MGAT4A: variants seen among roughly 807,000 people sequenced by gnomAD.
MGAT4A encodes alpha-1,3-mannosyl-glycoprotein 4-beta-N-acetylglucosaminyltransferase A.
Under a neutral mutation model 74.1 loss-of-function variants are expected in MGAT4A, and 33 were observed. The observed-to-expected ratio is 0.45, with a 90% CI of 0.34 to 0.60. The LOEUF (loss-of-function observed/expected upper bound fraction) is 0.60. MGAT4A is among the 20% of genes least tolerant of loss of function. The probability of loss-of-function intolerance (pLI) is 0.02; values close to 1 mark genes in which losing one functional copy is unlikely to be tolerated. For synonymous variants in MGAT4A, 198 were observed against 210.4 expected, an observed-to-expected ratio of 0.94 and a Z score of 0.51; for missense variants, 479 against 628.3, an observed-to-expected ratio of 0.76 and a Z score of 2.54.
At position 98,632,388 on chromosome 2, in the gene MGAT4A, T is replaced by C. The variant is rs372293186; in HGVS notation, c.1468+2834A>G. 5.3e-4 allele frequency among the ~76,000 whole-genome samples: 81 copies of C among 152,294 alleles called. 1 individual carries two copies. The highest frequency in any genetic ancestry group is 1.9e-3 in the African/African-American group (77 of 41,562). The stretch of plus-strand genomic sequence containing the variant: ...CCTGAAAGGTGGGTAAGGGAACTTT[T>C]CCCGTCTCAACAGCAGCTTGTTTGC... On this transcript the variant is annotated intron_variant, in intron 14 of 15. Transcript: ENST00000393487.
chr2:98,656,295 C>T (rs1011808910), intron 7 of MGAT4A, 57 bp downstream of exon 7: 55 of 1,162,052 alleles, frequency 4.7e-5, no homozygotes, highest in Middle Eastern at 3.8e-4. Flanking sequence ...ATAAAAACTA[C>T]ATGTATTAAA....
At chr2:98,729,865 T>C (rs149209172) in intron 1 of MGAT4A, among the ~76,000 whole-genome samples, 1 of 152,338 alleles carries the variant, frequency 6.6e-6, no homozygotes, top group African/African-American at 2.4e-5. Flanking sequence ...TAAGCCTATA[T>C]AACTTTACAC....
intron 2 of MGAT4A, among the ~76,000 whole-genome samples, chr2:98,687,997 C>A (rs192299172): frequency 6.6e-6 from 1 of 152,292 alleles, no homozygotes; most frequent in African/African-American, 2.4e-5. Context: ...CAGCCTCCTC[C>A]ACCCTTGTCT....
intron 2 of MGAT4A, among the ~76,000 whole-genome samples, chr2:98,705,948 C>CAAA (rs35710005): frequency 0.02 from 961 of 47,326 alleles, 47 homozygotes; most frequent in African/African-American, 0.078. Context: ...GACTCCGTCT[C>CAAA]AAAAAAAAAA....
chr2:98,719,006 G>C (rs1372603895), intron 2 of MGAT4A, among the ~76,000 whole-genome samples: 1 of 152,156 alleles, frequency 6.6e-6, no homozygotes, highest in Admixed American at 6.5e-5. Flanking sequence ...AACAGTTCCT[G>C]ATCTCTTCCC....
At chr2:98,634,826 G>A (rs1438853703) in intron 14 of MGAT4A, among the ~76,000 whole-genome samples, 1 of 151,468 alleles carries the variant, frequency 6.6e-6, no homozygotes, top group African/African-American at 2.4e-5. Flanking sequence ...GTGGCTGCCA[G>A]GTATAAGGCT....
At chr2:98,689,168 T>C (rs918173506) in intron 2 of MGAT4A, among the ~76,000 whole-genome samples, 8 of 152,220 alleles carry the variant, frequency 5.3e-5, no homozygotes, top group African/African-American at 1.9e-4. Context: ...CAGGATAGCA[T>C]AAAAGAAGTT....
rs190915925 is a variant in MGAT4A, at chr2:98,714,151, G to A, written c.94+12088C>T. ...CACCCAGGCTGGAGTGCAGTGGCGC[G>A]ATCTCACCTCACTGCCACCTTCGCC... On this transcript the variant is annotated intron_variant, in intron 2 of 15. Coordinates refer to ENST00000393487, the MANE Select transcript of MGAT4A (RefSeq NM_012214.3). Among the ~76,000 whole-genome samples the A allele has an allele frequency of 6.5e-3, 988 of 152,192 alleles. 3 individuals are homozygous for A. The highest frequency in any genetic ancestry group is 0.022 in the African/African-American group (932 of 41,502).
At chr2:98,675,947 A>C (rs1701972339) in intron 3 of MGAT4A, among the ~76,000 whole-genome samples, 1 of 152,216 alleles carries the variant, frequency 6.6e-6, no homozygotes, top group African/African-American at 2.4e-5. Context: ...AAACAGCACA[A>C]GTTGAGAATA....
Position 98,660,416 on chromosome 2 carries a change from G to A in MGAT4A, c.538-2152C>T, listed in dbSNP as rs868391267. ...ACCACACACACACACACACACGCAC[G>A]CGCACACACACACACACACACACAC... On this transcript the variant is annotated intron_variant, in intron 5 of 15. Coordinates refer to ENST00000393487, the MANE Select transcript of MGAT4A (RefSeq NM_012214.3). 1.8e-3 allele frequency among the ~76,000 whole-genome samples: 153 copies of A among 84,934 alleles called. 2 individuals carry two copies. The Middle Eastern group carries it at 0.02, about 11-fold the overall frequency. The allele number at this position is 84,934 out of a possible 152,430, so 55.7% of individuals were successfully genotyped here.
chr2:98,680,796 A>G lies in MGAT4A; in HGVS notation c.95-2325T>C, dbSNP rs6743020. Among the ~76,000 whole-genome samples the G allele has an allele frequency of 3.4e-3, 519 of 152,332 alleles. 2 individuals carry two copies. Among genetic ancestry groups the G allele is most frequent in the African/African-American group, 0.012 (499 of 41,556 alleles). ...ATTCCTAAACACAAAACTATAAACA[A>G]TTCTATTAAACAATTATAAGAAGAG... On this transcript the variant is annotated intron_variant, in intron 2 of 15. Transcript: ENST00000393487.
rs764403871 is a variant in MGAT4A, at chr2:98,655,542, AG to A, written c.699-23del. Reference sequence around the variant, plus strand: ...CCATCTGAAATAAACATTTTCAAAAAGTAAGTTAGGAATCAGACTCAAATTT... The same window carrying A: ...CCATCTGAAATAAACATTTTCAAAAATAAGTTAGGAATCAGACTCAAATTT... On this transcript the variant is annotated intron_variant, in intron 7 of 15. Coordinates refer to ENST00000393487, the MANE Select transcript of MGAT4A (RefSeq NM_012214.3). The A allele has an allele frequency of 1.6e-4, 250 of 1,540,162 alleles. No homozygotes were observed. In the East Asian group the frequency reaches 5.6e-3, roughly 34 times the overall value.
At position 98,621,869 on chromosome 2, in the gene MGAT4A, T is replaced by G; in HGVS notation, c.*3697A>C. The G allele has an allele frequency of 4.0e-6, 4 of 1,006,690 alleles. No homozygotes were observed. Among genetic ancestry groups the G allele is most frequent in the Non-Finnish European group, 4.7e-6 (4 of 843,600 alleles). 62.4% of individuals were successfully genotyped at this position (1,006,690 alleles called of 1,614,324 possible). On this transcript the variant is annotated 3_prime_UTR_variant, in exon 16 of 16. Transcript: ENST00000393487. ...ACAACACCTTCTAATTATTGACTAGTGCAACCACTGATTTGAGAAGATACA... is the reference window on the plus strand; with the variant it reads ...ACAACACCTTCTAATTATTGACTAGGGCAACCACTGATTTGAGAAGATACA...
At chr2:98,681,598 C>G (rs962958857) in intron 2 of MGAT4A, among the ~76,000 whole-genome samples, 2 of 152,132 alleles carry the variant, frequency 1.3e-5, no homozygotes, top group Non-Finnish European at 2.9e-5. Flanking sequence ...AGAATCCTAC[C>G]CTTCAGACTT....
intron 2 of MGAT4A, among the ~76,000 whole-genome samples, chr2:98,712,145 G>A (rs976201565): frequency 5.3e-5 from 8 of 151,932 alleles, no homozygotes; most frequent in Admixed American, 3.3e-4. Flanking sequence ...AACACTACAC[G>A]TGCCCACTCC....
chr2:98,713,760 A>C (rs1282488702), intron 2 of MGAT4A, among the ~76,000 whole-genome samples: 1 of 152,248 alleles, frequency 6.6e-6, no homozygotes, highest in African/African-American at 2.4e-5. Flanking sequence ...CTGACTCAGA[A>C]CCAACATGTT....
At chr2:98,680,495 C>T (rs1361244002) in intron 2 of MGAT4A, among the ~76,000 whole-genome samples, 1 of 152,136 alleles carries the variant, frequency 6.6e-6, no homozygotes, top group African/African-American at 2.4e-5. Context: ...ACAGTAAACA[C>T]CTCTTAAGAT....
At chr2:98,677,875 G>A (rs1291418502) in intron 3 of MGAT4A, among the ~76,000 whole-genome samples, 1 of 146,392 alleles carries the variant, frequency 6.8e-6, no homozygotes, top group African/African-American at 2.5e-5. Context: ...CTCTGAAAGG[G>A]CTGGCTTATA....
intron 2 of MGAT4A, among the ~76,000 whole-genome samples, chr2:98,698,958 C>T: frequency 6.6e-6 from 1 of 152,104 alleles, no homozygotes; most frequent in East Asian, 1.9e-4. Flanking sequence ...CTCTTTTTCC[C>T]TCCTCAGCTA....
Sources: gnomAD v4.1 joint callset for allele counts (sites outside exome capture counted in the v4.1 genomes callset) on GRCh38, gnomAD v4.1.1 for gene constraint, MANE v1.5 for transcripts, NCBI Gene and HGNC (gene_info 2026-07-23, HGNC 2026-07-21) for gene names.